Variants in COL11A1 observed in about 807,000 individuals in gnomAD.
The protein encoded by COL11A1 is collagen type XI alpha 1 chain, also known as collagen alpha-1(XI) chain.
Under a neutral mutation model 265.2 loss-of-function variants are expected in COL11A1, and 74 were observed. The observed-to-expected ratio is 0.28, with a 90% confidence interval of 0.23 to 0.34. The LOEUF (loss-of-function observed/expected upper bound fraction) is 0.34, where lower values mean the gene tolerates loss of function less well. Ranked by LOEUF, COL11A1 falls within the 10% of genes least tolerant of loss-of-function variation. COL11A1 has a pLI of 1.00. For synonymous variants in COL11A1, 816 were observed against 727.6 expected, an observed-to-expected ratio of 1.12 and a Z score of -1.96; for missense variants, 2,165 against 2,263.6, an observed-to-expected ratio of 0.96 and a Z score of 0.88.
intron 4 of COL11A1, among the ~76,000 whole-genome samples, chr1:103,064,098 C>A (rs985331016): frequency 2.0e-5 from 3 of 152,188 alleles, no homozygotes; most frequent in African/African-American, 7.2e-5. Context: ...GCAAAACAAA[C>A]TCTCGTTCCT....
chr1:102,987,320 A>T (rs1176809818), intron 30 of COL11A1, among the ~76,000 whole-genome samples: 1 of 150,828 alleles, frequency 6.6e-6, no homozygotes, highest in Non-Finnish European at 1.5e-5. Context: ...AAGATATTAT[A>T]TTTTGCTTTA....
intron 1 of COL11A1, among the ~76,000 whole-genome samples, chr1:103,083,959 T>C (rs912167122): frequency 9.9e-5 from 15 of 152,198 alleles, no homozygotes; most frequent in Admixed American, 7.2e-4. Flanking sequence ...CCTTAAACTT[T>C]CCCTTTGTAA....
intron 1 of COL11A1, among the ~76,000 whole-genome samples, chr1:103,101,153 C>T (rs147691199): frequency 2.0e-5 from 3 of 151,864 alleles, no homozygotes; most frequent in South Asian, 2.1e-4. Flanking sequence ...TTTAACATCA[C>T]TAAAGTGCAA....
intron 41 of COL11A1, among the ~76,000 whole-genome samples, chr1:102,961,174 T>C (rs1029498345): frequency 1.3e-5 from 2 of 152,112 alleles, no homozygotes; most frequent in Admixed American, 6.6e-5. Context: ...TAGTGAAATT[T>C]CAGTGTGCAG....
At position 103,017,958 on chromosome 1, in the gene COL11A1, C is replaced by T. The variant is rs945748; in HGVS notation, c.1351-76G>A. On this transcript the variant is annotated intron_variant, in intron 10 of 66. Coordinates refer to ENST00000370096, the MANE Select transcript of COL11A1 (RefSeq NM_001854.4). ...TTAGATGAATTCACTCTAGTCCTAT[C>T]GAAGAGTTCGTTTATATTTTATAAA... is the stretch of plus-strand genomic sequence containing the variant. The T allele has an allele frequency of 0.69, 803,440 of 1,160,478 alleles. 285,780 individuals are homozygous for T. Among genetic ancestry groups the T allele is most frequent in the East Asian group, 0.92 (39,539 of 42,790 alleles). 71.9% of individuals were successfully genotyped at this position (1,160,478 alleles called of 1,614,324 possible).
chr1:102,888,906 G>A lies in COL11A1; in HGVS notation c.4478C>T (p.Pro1493Leu). ...ACCAGGTGGACCTAAGGGACCAGCAGGACCAGGAATTCCCTAGAGAGAGAA... is the reference window on the plus strand; with the variant it reads ...ACCAGGTGGACCTAAGGGACCAGCAAGACCAGGAATTCCCTAGAGAGAGAA... The part of the protein sequence containing the change: ...GAKGDGGIPG[P>L]AGPLGPPGPP... The change falls in exon 60 of 67, where the codon CCT becomes CTT. Residue 1493 changes from proline to leucine, a missense_variant. Transcript: ENST00000370096. 1 of 1,612,292 alleles carries A rather than the reference G, an allele frequency of 6.2e-7. No homozygotes were observed. Among genetic ancestry groups the A allele is most frequent in the Non-Finnish European group, 8.5e-7 (1 of 1,178,320 alleles).
chr1:103,103,758 A>G (rs201053906), intron 1 of COL11A1, among the ~76,000 whole-genome samples: 1 of 14,684 alleles, frequency 6.8e-5, no homozygotes, highest in African/African-American at 7.1e-5. Context: ...TGCACAACAG[A>G]TATCATGGTA....
At chr1:102,899,477 TATG>T (rs1478633056) in intron 54 of COL11A1, among the ~76,000 whole-genome samples, 1 of 152,238 alleles carries the variant, frequency 6.6e-6, no homozygotes, top group East Asian at 1.9e-4. Context: ...TATTTTAAAT[TATG>T]ATGGTCAACA....
intron 12 of COL11A1, among the ~76,000 whole-genome samples, chr1:103,015,051 C>A (rs1487978196): frequency 1.3e-5 from 2 of 151,818 alleles, no homozygotes; most frequent in East Asian, 1.9e-4. Context: ...TTTTGTTCAC[C>A]CATTCTTAAG....
chr1:102,898,012 T>G, intron 57 of COL11A1, 113 bp downstream of exon 57: 1 of 522,822 alleles, frequency 1.9e-6, no homozygotes, highest in African/African-American at 2.0e-5. Flanking sequence ...CTTCTTGGAC[T>G]ATTAGAAAAA....
At chr1:103,077,965 T>C (rs894013764) in intron 3 of COL11A1, among the ~76,000 whole-genome samples, 4 of 152,250 alleles carry the variant, frequency 2.6e-5, no homozygotes, top group Non-Finnish European at 5.9e-5. Flanking sequence ...GAGTTAACAA[T>C]GTATAAAGAC....
Position 102,990,433 on chromosome 1 carries a change from G to A in COL11A1, c.2341-862C>T, listed in dbSNP as rs138944938. Among the ~76,000 whole-genome samples, 18 of 151,418 alleles carry A rather than the reference G, an allele frequency of 1.2e-4. 1 individual carries two copies. The East Asian group carries it at 3.3e-3, about 28-fold the overall frequency. On this transcript the variant is annotated intron_variant, in intron 28 of 66. Transcript: ENST00000370096. Reference sequence around the variant, plus strand: ...CAGGTAAAATTAATTATATAAAATAGGAATTAATAATATCCTTTACAGGTA... The same window carrying A: ...CAGGTAAAATTAATTATATAAAATAAGAATTAATAATATCCTTTACAGGTA...
At chr1:103,067,971 A>G (rs980722983) in intron 4 of COL11A1, among the ~76,000 whole-genome samples, 1 of 151,638 alleles carries the variant, frequency 6.6e-6, no homozygotes, top group Non-Finnish European at 1.5e-5. Flanking sequence ...CTAAAAAGAA[A>G]ACTCAGGGCC....
At position 102,914,750 on chromosome 1, in the gene COL11A1, G is replaced by A. The variant is rs1396420343; in HGVS notation, c.3878C>T (p.Pro1293Leu). The change falls in exon 51 of 67, where the codon CCA becomes CTA. Residue 1293 changes from proline to leucine, a missense_variant. Coordinates refer to ENST00000370096, the MANE Select transcript of COL11A1 (RefSeq NM_001854.4). ...ATCACCTGGTGGCCCCTTGGCACCT[G>A]GAGGTCCAGCAGCTCCAGGTGGACC... ...EAGPPGAAGP[P>L]GAKGPPGDDG... The A allele has an allele frequency of 6.2e-7, 1 of 1,613,166 alleles. No individual in the cohort carries two copies. Among genetic ancestry groups the A allele is most frequent in the Non-Finnish European group, 8.5e-7 (1 of 1,179,912 alleles).
chr1:102,877,813 G>A lies in COL11A1; in HGVS notation c.*206C>T. ...AAGAATCAGCCCTGTTTCCATCTTAGCCACACCAACTTATATCTTTATGAT... is the reference window on the plus strand; with the variant it reads ...AAGAATCAGCCCTGTTTCCATCTTAACCACACCAACTTATATCTTTATGAT... On this transcript the variant is annotated 3_prime_UTR_variant, in exon 67 of 67. Transcript: ENST00000370096. The A allele has an allele frequency of 1.9e-6, 1 of 519,460 alleles. No homozygotes were observed. The highest frequency in any genetic ancestry group is 3.5e-6 in the Non-Finnish European group (1 of 289,320). 32.2% of individuals were successfully genotyped at this position (519,460 alleles called of 1,614,324 possible). A position where few individuals can be genotyped will look rare whatever the true frequency, so the allele number is the denominator to read the frequency against.
At chr1:102,983,962 C>G (rs1017163986) in intron 31 of COL11A1, among the ~76,000 whole-genome samples, 176 bp downstream of exon 31, 4 of 152,028 alleles carry the variant, frequency 2.6e-5, no homozygotes, top group Admixed American at 1.3e-4. Context: ...CCATAATCAC[C>G]TAAGCTCTTT....
intron 54 of COL11A1, 111 bp downstream of exon 54, chr1:102,912,048 A>G: frequency 3.4e-6 from 3 of 886,110 alleles, no homozygotes; most frequent in South Asian, 3.3e-5. Flanking sequence ...AGGATTTATG[A>G]TATTTCTCAT....
chr1:102,910,496 A>G (rs1311198847), intron 54 of COL11A1, among the ~76,000 whole-genome samples: 2 of 152,130 alleles, frequency 1.3e-5, no homozygotes, highest in Non-Finnish European at 2.9e-5. Flanking sequence ...TTTAAAATCA[A>G]TTTTGATATA....
chr1:102,978,803 A>T (rs1662753661), intron 34 of COL11A1, 51 bp from the exon 35 acceptor site: 1 of 1,613,934 alleles, frequency 6.2e-7, no homozygotes, highest in Non-Finnish European at 8.5e-7. Context: ...TTCTCATAGC[A>T]TCTGCCTGGA....
Sources: allele counts gnomAD v4.1 joint callset (sites outside exome capture counted in the v4.1 genomes callset), GRCh38; gene constraint gnomAD v4.1.1; transcripts MANE v1.5; gene names NCBI Gene and HGNC (gene_info 2026-07-23, HGNC 2026-07-21).